MINDY4: variants seen among roughly 807,000 people sequenced by gnomAD.
MINDY4 encodes MINDY lysine 48 deubiquitinase 4, also known as probable ubiquitin carboxyl-terminal hydrolase MINDY-4.
In MINDY4, 68 loss-of-function variants were observed where a neutral mutation model predicts 87.0. The observed-to-expected ratio is 0.78, with a 90% CI of 0.64 to 0.96. The LOEUF (loss-of-function observed/expected upper bound fraction) is 0.96, where lower values mean the gene tolerates loss of function less well. Among genes scored for constraint, MINDY4 ranks in the 40% least tolerant of loss-of-function variants. The probability of loss-of-function intolerance (pLI) is 0.00; values close to 1 mark genes in which losing one functional copy is unlikely to be tolerated. For synonymous variants in MINDY4, 379 were observed against 363.2 expected, an observed-to-expected ratio of 1.04 and a Z score of -0.50; for missense variants, 919 against 928.2, an observed-to-expected ratio of 0.99 and a Z score of 0.13.
chr7:30,821,597 A>G (rs1313985350), intron 5 of MINDY4, among the ~76,000 whole-genome samples: 2 of 152,186 alleles, frequency 1.3e-5, no homozygotes, highest in African/African-American at 2.4e-5. Context: ...TCATGTTTCT[A>G]TGAGAATGCA....
intron 4 of MINDY4, 54 bp from the exon 5 acceptor site, chr7:30,791,111 G>A: frequency 1.3e-6 from 2 of 1,496,748 alleles, no homozygotes; most frequent in Non-Finnish European, 1.8e-6. Context: ...TGGGATCTTT[G>A]TTTTCCAGCT....
At chr7:30,809,240 C>T (rs1787910144) in intron 5 of MINDY4, among the ~76,000 whole-genome samples, 1 of 152,132 alleles carries the variant, frequency 6.6e-6, no homozygotes, top group African/African-American at 2.4e-5. Context: ...ACCCAGTAAC[C>T]TGCAGTAACC....
intron 5 of MINDY4, among the ~76,000 whole-genome samples, chr7:30,796,095 G>A (rs1426191836): frequency 6.6e-6 from 1 of 151,014 alleles, no homozygotes; most frequent in Non-Finnish European, 1.5e-5. Flanking sequence ...CTGCCACAGA[G>A]GGCAGCTGTT....
At chr7:30,869,986 G>A (rs1437039788) in intron 13 of MINDY4, among the ~76,000 whole-genome samples, 3 of 152,126 alleles carry the variant, frequency 2.0e-5, no homozygotes, top group Non-Finnish European at 4.4e-5. Context: ...TGGGCATCTA[G>A]GTTTGTAGAT....
chr7:30,825,173 T>C (rs1788462134), intron 5 of MINDY4, among the ~76,000 whole-genome samples: 1 of 152,270 alleles, frequency 6.6e-6, no homozygotes, highest in South Asian at 2.1e-4. Flanking sequence ...TTGTTCAGAA[T>C]AGTTTTCACT....
intron 13 of MINDY4, among the ~76,000 whole-genome samples, chr7:30,868,626 AC>A (rs1361471179): frequency 2.0e-5 from 3 of 152,152 alleles, no homozygotes. Context: ...CATTCATCTG[AC>A]CTTCTGCAAA....
In MINDY4 at chr7:30,860,270, G is replaced by A. The variant is rs796869401; in HGVS notation, c.1745+946G>A. ...CCCGGCCTGGTTGGGTCTGGTCGGCGCCCTCCCTGTTTCCAGGGGCCTCTG... is the reference window on the plus strand; with the variant it reads ...CCCGGCCTGGTTGGGTCTGGTCGGCACCCTCCCTGTTTCCAGGGGCCTCTG... On this transcript the variant is annotated intron_variant, in intron 13 of 17. Coordinates refer to ENST00000265299, the MANE Select transcript of MINDY4 (RefSeq NM_032222.3). Among the ~76,000 whole-genome samples the A allele has an allele frequency of 7.0e-4, 107 of 152,170 alleles. 2 individuals are homozygous for A. Among genetic ancestry groups the A allele is most frequent in the African/African-American group, 2.4e-3 (99 of 41,502 alleles).
At chr7:30,865,225 G>A (rs1789896473) in intron 13 of MINDY4, among the ~76,000 whole-genome samples, 2 of 152,210 alleles carry the variant, frequency 1.3e-5, no homozygotes, top group African/African-American at 2.4e-5. Flanking sequence ...TGTGAGGCAG[G>A]GTGGGTTGGG....
intron 5 of MINDY4, among the ~76,000 whole-genome samples, chr7:30,807,210 G>T (rs1787839395): frequency 6.6e-6 from 1 of 152,142 alleles, no homozygotes; most frequent in South Asian, 2.1e-4. Flanking sequence ...CCTCCTCATG[G>T]AGCAGTGGCA....
intron 12 of MINDY4, 152 bp from the exon 13 acceptor site, chr7:30,859,105 C>T (rs1351426902): frequency 1.3e-6 from 1 of 745,240 alleles, no homozygotes. Flanking sequence ...TTTAGGAGGT[C>T]AGCCTTCGGG....
At position 30,883,268 on chromosome 7, in the gene MINDY4, C is replaced by T. The variant is rs145961374; in HGVS notation, c.2225+275C>T. Among the ~76,000 whole-genome samples the T allele has an allele frequency of 2.2e-3, 335 of 152,272 alleles. 3 individuals carry two copies. Among genetic ancestry groups the T allele is most frequent in the African/African-American group, 7.7e-3 (320 of 41,552 alleles). ...GGCTAAATGGGCACCTCTTGAAGCC[C>T]CTCCTCCCTCAAGGCAGCAGCAGCC... On this transcript the variant is annotated intron_variant, in intron 17 of 17. Coordinates refer to ENST00000265299, the MANE Select transcript of MINDY4 (RefSeq NM_032222.3).
At chr7:30,819,892 A>ATTTTTTTT (rs60124746) in intron 5 of MINDY4, among the ~76,000 whole-genome samples, 1 of 96,660 alleles carries the variant, frequency 1.0e-5, no homozygotes, top group Non-Finnish European at 1.9e-5. Context: ...CATATAGATA[A>ATTTTTTTT]TTTTTTTTTT....
intron 5 of MINDY4, among the ~76,000 whole-genome samples, chr7:30,822,027 A>G (rs1433370082): frequency 6.6e-6 from 1 of 152,172 alleles, no homozygotes; most frequent in Non-Finnish European, 1.5e-5. Flanking sequence ...TCGTATTTAT[A>G]TATACACGTA....
chr7:30,871,308 C>T (rs1409235895), intron 13 of MINDY4, among the ~76,000 whole-genome samples: 2 of 152,226 alleles, frequency 1.3e-5, no homozygotes, highest in African/African-American at 4.8e-5. Flanking sequence ...ACCTGCTGAG[C>T]ACAGTGAGTA....
intron 5 of MINDY4, among the ~76,000 whole-genome samples, chr7:30,801,947 C>G (rs1273194943): frequency 6.6e-6 from 1 of 152,142 alleles, no homozygotes; most frequent in Non-Finnish European, 1.5e-5. Context: ...ACACCTGGGC[C>G]CTTGCCAGCT....
At chr7:30,875,025 C>T (rs577670388) in intron 14 of MINDY4, among the ~76,000 whole-genome samples, 1 of 152,354 alleles carries the variant, frequency 6.6e-6, no homozygotes, top group Admixed American at 6.5e-5. Context: ...TGTCACTTCT[C>T]CTTAAAGCTG....
At chr7:30,832,017 T>C (rs1023346914) in intron 6 of MINDY4, among the ~76,000 whole-genome samples, 1 of 152,204 alleles carries the variant, frequency 6.6e-6, no homozygotes, top group Non-Finnish European at 1.5e-5. Flanking sequence ...TGCATGGCAT[T>C]CCCACCACGT....
chr7:30,887,319 C>A (rs1790662875), intron 17 of MINDY4, among the ~76,000 whole-genome samples: 1 of 152,248 alleles, frequency 6.6e-6, no homozygotes, highest in Non-Finnish European at 1.5e-5. Flanking sequence ...GCTGGCTCTG[C>A]AGTCATCAAG....
intron 5 of MINDY4, among the ~76,000 whole-genome samples, chr7:30,810,084 G>A (rs1031771724): frequency 4.8e-5 from 7 of 147,254 alleles, no homozygotes; most frequent in Non-Finnish European, 7.4e-5. Context: ...GCTGAGGCAG[G>A]AGAATCGCTT....
Sources: gnomAD v4.1 joint callset for allele counts (sites outside exome capture counted in the v4.1 genomes callset) on GRCh38, gnomAD v4.1.1 for gene constraint, MANE v1.5 for transcripts, NCBI Gene and HGNC (gene_info 2026-07-23, HGNC 2026-07-21) for gene names.